The following RNGTT variants were observed in gnomAD, a reference collection of about 807,000 sequenced individuals.
The protein encoded by RNGTT is RNA guanylyltransferase and 5'-phosphatase, also known as mRNA-capping enzyme.
In RNGTT, 33 loss-of-function variants were observed where a neutral mutation model predicts 79.3. The ratio of observed to expected loss-of-function variants is 0.42; its 90% CI spans 0.32 to 0.56. RNGTT has a LOEUF of 0.56. Among genes scored for constraint, RNGTT ranks in the 20% least tolerant of loss-of-function variants. The pLI, the probability that RNGTT is intolerant of heterozygous loss-of-function variation, is 0.17. For missense variants in RNGTT, 497 were observed against 739.1 expected (o/e 0.67, Z 3.80); for synonymous variants, 222 against 235.9 (o/e 0.94, Z 0.54).
At chr6:88,952,580 A>G (rs1195127657) in intron 1 of RNGTT, among the ~76,000 whole-genome samples, 1 of 152,224 alleles carries the variant, frequency 6.6e-6, no homozygotes, top group Admixed American at 6.5e-5. Flanking sequence ...CTAATATACC[A>G]CTGCCTGCAA....
chr6:88,710,174 C>A (rs56129887), intron 13 of RNGTT, among the ~76,000 whole-genome samples: 3,015 of 152,220 alleles, frequency 0.02, 38 homozygotes, highest in Non-Finnish European at 0.029. Context: ...GCTGGAGGAT[C>A]CCTGGGCAAC....
chr6:88,924,111 G>A (rs1162398645), intron 4 of RNGTT, among the ~76,000 whole-genome samples: 1 of 152,216 alleles, frequency 6.6e-6, no homozygotes, highest in Non-Finnish European at 1.5e-5. Context: ...ATGAGGAGGT[G>A]ACAAGAACTT....
At chr6:88,905,378 G>A (rs577483813) in intron 5 of RNGTT, among the ~76,000 whole-genome samples, 3 of 152,314 alleles carry the variant, frequency 2.0e-5, no homozygotes. Context: ...GATAAGCATA[G>A]GCTAAATCTG....
chr6:88,665,838 C>A (rs746421624), intron 14 of RNGTT, among the ~76,000 whole-genome samples: 1 of 152,180 alleles, frequency 6.6e-6, no homozygotes, highest in Non-Finnish European at 1.5e-5. Flanking sequence ...CCATGGCAGT[C>A]GGGTGCGTCA....
chr6:88,736,205 G>A (rs1468650544), intron 13 of RNGTT, among the ~76,000 whole-genome samples: 1 of 152,028 alleles, frequency 6.6e-6, no homozygotes, highest in Non-Finnish European at 1.5e-5. Flanking sequence ...CAAAAATAAA[G>A]CACTAGGCCC....
At chr6:88,846,757 CAA>C (rs200193188) in intron 10 of RNGTT, among the ~76,000 whole-genome samples, 26 of 113,596 alleles carry the variant, frequency 2.3e-4, no homozygotes, top group African/African-American at 2.3e-4. Flanking sequence ...AAGACTGTCT[CAA>C]AAAAAAAAAA....
chr6:88,698,230 TATG>T (rs1775796047), intron 13 of RNGTT, among the ~76,000 whole-genome samples: 1 of 119,030 alleles, frequency 8.4e-6, no homozygotes, highest in African/African-American at 3.8e-5. Flanking sequence ...ATCATATATA[TATG>T]AAATATATAT....
intron 14 of RNGTT, among the ~76,000 whole-genome samples, chr6:88,658,662 T>C (rs1356015769): frequency 6.6e-6 from 1 of 152,228 alleles, no homozygotes; most frequent in African/African-American, 2.4e-5. Flanking sequence ...GTCTGTGGAC[T>C]GGGAAAGGCA....
At chr6:88,913,220 A>AAAAC (rs912003442) in intron 4 of RNGTT, among the ~76,000 whole-genome samples, 5 of 145,440 alleles carry the variant, frequency 3.4e-5, no homozygotes, top group African/African-American at 1.3e-4. Context: ...AAAACAAAAA[A>AAAAC]AAAAAACAAA....
In RNGTT at chr6:88,844,436, T is replaced by C; in HGVS notation, c.1190A>G (p.Lys397Arg). ...EIISPRHEKM[K>R]TGLIDKTQEP... ...CTGTGTTTTGTCAATGAGCCCAGTC[T>C]TCATTTTTTCGTGTCGAGGACTTAT... The change falls in exon 11 of 16, where the codon AAG becomes AGG. Residue 397 changes from lysine (K) to arginine (R), a missense_variant. Physicochemically the swap from Lys to Arg is conservative, Grantham distance 26. Coordinates refer to ENST00000369485, the MANE Select transcript of RNGTT (RefSeq NM_003800.5). The C allele has an allele frequency of 6.2e-7, 1 of 1,614,084 alleles. No homozygotes were observed.
intron 4 of RNGTT, among the ~76,000 whole-genome samples, chr6:88,920,887 A>T (rs1254926689): frequency 1.3e-5 from 2 of 152,132 alleles, no homozygotes; most frequent in Middle Eastern, 3.2e-3. Flanking sequence ...ATATATATAT[A>T]TTTTGTTTTA....
At chr6:88,696,339 T>C (rs1032127423) in intron 13 of RNGTT, among the ~76,000 whole-genome samples, 1 of 152,178 alleles carries the variant, frequency 6.6e-6, no homozygotes, top group Non-Finnish European at 1.5e-5. Context: ...AAATGGATAG[T>C]TGATTTATTA....
chr6:88,957,921 G>A (rs574496930), intron 1 of RNGTT, among the ~76,000 whole-genome samples: 123 of 152,046 alleles, frequency 8.1e-4, no homozygotes, highest in African/African-American at 2.8e-3. Flanking sequence ...AAATAGCCAA[G>A]GTAAGCAAAC....
chr6:88,917,021 T>C (rs1339911413), intron 4 of RNGTT, among the ~76,000 whole-genome samples: 2 of 152,202 alleles, frequency 1.3e-5, no homozygotes, highest in Admixed American at 6.5e-5. Flanking sequence ...GGAGTAATGG[T>C]GGGGATCCAC....
chr6:88,892,755 T>C (rs1183352514), intron 6 of RNGTT, among the ~76,000 whole-genome samples: 1 of 152,074 alleles, frequency 6.6e-6, no homozygotes, highest in Non-Finnish European at 1.5e-5. Flanking sequence ...TTAATGTAAT[T>C]AGGCAATAAA....
chr6:88,722,850 A>G (rs1006253420), intron 13 of RNGTT, among the ~76,000 whole-genome samples: 2 of 152,244 alleles, frequency 1.3e-5, no homozygotes, highest in Admixed American at 1.3e-4. Context: ...TAGTGACATC[A>G]TAACATCATA....
At chr6:88,960,065 A>G (rs192532166) in intron 1 of RNGTT, among the ~76,000 whole-genome samples, 3 of 152,044 alleles carry the variant, frequency 2.0e-5, no homozygotes, top group Non-Finnish European at 4.4e-5. Context: ...TTCTTCCTCA[A>G]CCTCAAAGAA....
At chr6:88,725,825 G>C (rs1424936592) in intron 13 of RNGTT, among the ~76,000 whole-genome samples, 1 of 152,170 alleles carries the variant, frequency 6.6e-6, no homozygotes, top group African/African-American at 2.4e-5. Flanking sequence ...AGGGGAAGGG[G>C]AAGGAGAGGG....
At chr6:88,759,756 C>A (rs915195670) in intron 13 of RNGTT, among the ~76,000 whole-genome samples, 3 of 152,074 alleles carry the variant, frequency 2.0e-5, no homozygotes, top group Non-Finnish European at 2.9e-5. Context: ...CAGCAAAAAA[C>A]AAACCTAATA....
Sources: allele counts gnomAD v4.1 joint callset (sites outside exome capture counted in the v4.1 genomes callset), GRCh38; gene constraint gnomAD v4.1.1; transcripts MANE v1.5; gene names NCBI Gene and HGNC (gene_info 2026-07-23, HGNC 2026-07-21).